MPZL1: variants seen among roughly 807,000 people sequenced by gnomAD.
MPZL1 encodes the protein myelin protein zero like 1.
A neutral mutation model predicts 29.3 loss-of-function variants in MPZL1; 16 were observed. The observed-to-expected ratio is 0.55, with a 90% CI of 0.37 to 0.83. The LOEUF (loss-of-function observed/expected upper bound fraction) is 0.83. Ranked by LOEUF, MPZL1 falls within the 40% of genes least tolerant of loss-of-function variation. MPZL1 has a pLI of 0.00. For synonymous variants in MPZL1, 143 were observed against 132.0 expected, an observed-to-expected ratio of 1.08 and a Z score of -0.57; for missense variants, 279 against 332.9, an observed-to-expected ratio of 0.84 and a Z score of 1.26.
chr1:167,723,411 C>T (rs969056097), intron 1 of MPZL1, among the ~76,000 whole-genome samples: 2 of 152,228 alleles, frequency 1.3e-5, no homozygotes, highest in African/African-American at 4.8e-5. Context: ...GTAAAAGTCT[C>T]CCTACCCTCC....
At chr1:167,728,497 C>T (rs949186145) in intron 1 of MPZL1, among the ~76,000 whole-genome samples, 3 of 151,948 alleles carry the variant, frequency 2.0e-5, no homozygotes, top group African/African-American at 4.8e-5. Context: ...CATGAGCCAC[C>T]GTGCCCAACC....
chr1:167,751,675 A>C (rs1660762393), intron 1 of MPZL1, among the ~76,000 whole-genome samples: 1 of 151,766 alleles, frequency 6.6e-6, no homozygotes, highest in Admixed American at 6.6e-5. Context: ...CATCTCAAAA[A>C]AAAAAAAAAA....
chr1:167,783,398 T>C (rs562560902), intron 5 of MPZL1, among the ~76,000 whole-genome samples: 4 of 152,340 alleles, frequency 2.6e-5, no homozygotes, highest in African/African-American at 9.6e-5. Context: ...TTTTTGTATA[T>C]GTATTTGAGG....
chr1:167,760,048 T>G (rs943548721), intron 1 of MPZL1, among the ~76,000 whole-genome samples: 17 of 152,240 alleles, frequency 1.1e-4, no homozygotes, highest in African/African-American at 3.1e-4. Flanking sequence ...CTCTGTGGAC[T>G]AGTTGCTGTG....
chr1:167,778,523 A>AT (rs1661418594), intron 5 of MPZL1, among the ~76,000 whole-genome samples: 159 of 147,338 alleles, frequency 1.1e-3, no homozygotes, highest in African/African-American at 3.4e-3. Flanking sequence ...GAAGGAAGGA[A>AT]GGATGGATGG....
rs1310833592 is a variant in MPZL1 at position 167,722,108 on chromosome 1, C to T, written c.-44C>T. On this transcript the variant is annotated 5_prime_UTR_variant, in exon 1 of 6. Coordinates refer to ENST00000359523, the MANE Select transcript of MPZL1 (RefSeq NM_003953.6). ...GAGCCAACCTCAGCGGGGACCCGGG[C>T]TCAGGGACGCGGCGGCGGCGGCGGC... The T allele has an allele frequency of 1.6e-6, 2 of 1,233,142 alleles. No individual in the cohort carries two copies. The highest frequency in any genetic ancestry group is 1.6e-5 in the African/African-American group (1 of 64,328). 76.4% of individuals were successfully genotyped at this position (1,233,142 alleles called of 1,614,324 possible).
chr1:167,772,026 G>GGCAGGAGAATC lies in MPZL1; in HGVS notation c.259-248_259-238dup, dbSNP rs538267615. ...CAATCCCAGGCAGTCGGCAGCCCGA[G>GGCAGGAGAATC]GCAGGAGAATCACAGGAGCCCGAGG... On this transcript the variant is annotated intron_variant, in intron 2 of 5. Transcript: ENST00000359523. 4.2e-4 allele frequency among the ~76,000 whole-genome samples: 64 copies of GGCAGGAGAATC among 151,952 alleles called. 1 individual carries two copies. The East Asian group carries it at 0.011, about 27-fold the overall frequency.
chr1:167,745,764 G>C (rs1428720198), intron 1 of MPZL1, among the ~76,000 whole-genome samples: 3 of 152,038 alleles, frequency 2.0e-5, no homozygotes, highest in Admixed American at 6.6e-5. Context: ...GTAAAATTCA[G>C]AGTCTTAGAT....
intron 1 of MPZL1, among the ~76,000 whole-genome samples, chr1:167,737,950 C>G (rs12088024): frequency 0.052 from 7,880 of 151,880 alleles, 679 homozygotes; most frequent in African/African-American, 0.18. Context: ...TGTTTTGAGA[C>G]AGAGTCTTGC....
At chr1:167,734,511 TCCA>T (rs1660338238) in intron 1 of MPZL1, among the ~76,000 whole-genome samples, 1 of 152,196 alleles carries the variant, frequency 6.6e-6, no homozygotes, top group African/African-American at 2.4e-5. Context: ...TGACGTTCCC[TCCA>T]CCATGATCCC....
chr1:167,735,819 A>G (rs1302091894), intron 1 of MPZL1, among the ~76,000 whole-genome samples: 1 of 152,110 alleles, frequency 6.6e-6, no homozygotes, highest in Non-Finnish European at 1.5e-5. Context: ...CAATTGTAAT[A>G]TTAATCTTAT....
chr1:167,760,552 G>A (rs1170802026), intron 1 of MPZL1, among the ~76,000 whole-genome samples: 2 of 152,082 alleles, frequency 1.3e-5, no homozygotes, highest in Non-Finnish European at 2.9e-5. Context: ...TGACAGCTTG[G>A]AGGAAAGTTG....
At chr1:167,768,471 C>T (rs1251540021) in intron 2 of MPZL1, among the ~76,000 whole-genome samples, 2 of 151,794 alleles carry the variant, frequency 1.3e-5, no homozygotes, top group Non-Finnish European at 2.9e-5. Flanking sequence ...CTTAATATGA[C>T]AGTTTTCCTC....
At chr1:167,733,334 A>G (rs1660307172) in intron 1 of MPZL1, among the ~76,000 whole-genome samples, 1 of 152,218 alleles carries the variant, frequency 6.6e-6, no homozygotes, top group Non-Finnish European at 1.5e-5. Flanking sequence ...ACGTGTCCCA[A>G]TTTAGTGACA....
chr1:167,734,038 T>C lies in MPZL1; in HGVS notation c.91+11796T>C, dbSNP rs567951550. On this transcript the variant is annotated intron_variant, in intron 1 of 5. Coordinates refer to ENST00000359523, the MANE Select transcript of MPZL1 (RefSeq NM_003953.6). The stretch of plus-strand genomic sequence containing the variant: ...TTGGGAGGCCAAGGCGGACGGATCA[T>C]GAGGTCAGGAGATCAAGACCATCCT... Among the ~76,000 whole-genome samples the C allele has an allele frequency of 4.6e-5, 7 of 152,176 alleles. No individual in the cohort carries two copies. The South Asian group carries it at 1.2e-3, about 27-fold the overall frequency.
At position 167,725,457 on chromosome 1, in the gene MPZL1, G is replaced by T. The variant is rs377519826; in HGVS notation, c.91+3215G>T. ...GCACCACCATGCCTGGCTAATTTTT[G>T]ATTTTTCTATTTATTTTTAAATTTA... On this transcript the variant is annotated intron_variant, in intron 1 of 5. Transcript: ENST00000359523. Among the ~76,000 whole-genome samples the T allele has an allele frequency of 5.1e-4, 77 of 151,846 alleles. 1 individual carries two copies. The highest frequency in any genetic ancestry group is 1.7e-3 in the African/African-American group (71 of 41,430).
chr1:167,739,274 C>CAT (rs201991698), intron 1 of MPZL1, among the ~76,000 whole-genome samples: 382 of 82,932 alleles, frequency 4.6e-3, no homozygotes, highest in Middle Eastern at 0.012. Context: ...TACATATATA[C>CAT]ATATATACAT....
chr1:167,728,092 T>C (rs1660189194), intron 1 of MPZL1, among the ~76,000 whole-genome samples: 1 of 145,474 alleles, frequency 6.9e-6, no homozygotes, highest in African/African-American at 2.6e-5. Flanking sequence ...CAGGCTGGAG[T>C]GCAGTCGCGC....
chr1:167,768,126 A>C (rs1405877893), intron 2 of MPZL1, among the ~76,000 whole-genome samples: 1 of 152,100 alleles, frequency 6.6e-6, no homozygotes, highest in Non-Finnish European at 1.5e-5. Flanking sequence ...CTCATATGCC[A>C]GCAGGTGCAT....
Sources: allele counts gnomAD v4.1 joint callset (sites outside exome capture counted in the v4.1 genomes callset), GRCh38; gene constraint gnomAD v4.1.1; transcripts MANE v1.5; gene names NCBI Gene and HGNC (gene_info 2026-07-23, HGNC 2026-07-21).